The following CSNK2A2 variants were observed in gnomAD, a reference collection of about 807,000 sequenced individuals.
The protein encoded by CSNK2A2 is casein kinase 2 alpha 2.
In CSNK2A2, 8 loss-of-function variants were observed where a neutral mutation model predicts 54.0. That is an observed-to-expected ratio of 0.15 (90% CI 0.09 to 0.27). CSNK2A2 has a LOEUF of 0.27. Among genes scored for constraint, CSNK2A2 ranks in the 10% least tolerant of loss-of-function variants. The pLI is 1.00. For synonymous variants in CSNK2A2, 141 were observed against 153.9 expected, an observed-to-expected ratio of 0.92 and a Z score of 0.62; for missense variants, 242 against 439.4, an observed-to-expected ratio of 0.55 and a Z score of 4.02.
At chr16:58,162,645 G>A (rs970785629) in intron 11 of CSNK2A2, 1 of 152,218 alleles carries the variant, frequency 6.6e-6, no homozygotes, top group African/African-American at 2.4e-5. Context: ...AAAGGGTGAT[G>A]TGGTAGACAC....
intron 4 of CSNK2A2, among the ~76,000 whole-genome samples, chr16:58,179,425 C>T (rs1961967048): frequency 6.6e-6 from 1 of 151,684 alleles, no homozygotes; most frequent in African/African-American, 2.4e-5. Flanking sequence ...CGCTTGAACC[C>T]AGGAGGCGGA....
In CSNK2A2 at chr16:58,173,336, A is replaced by G. The variant is rs139004098; in HGVS notation, c.429+1115T>C. 7.2e-5 allele frequency among the ~76,000 whole-genome samples: 11 copies of G among 152,248 alleles called. No individual in the cohort carries two copies. In the East Asian group the frequency reaches 7.7e-4, roughly 11 times the overall value. Reference sequence around the variant, plus strand: ...TGCGTACAAGTTCTTATAAAAACACATTCATTTCATAGAACTGTTCTTAAG... The same window carrying G: ...TGCGTACAAGTTCTTATAAAAACACGTTCATTTCATAGAACTGTTCTTAAG... On this transcript the variant is annotated intron_variant, in intron 5 of 11. Transcript: ENST00000262506.
intron 11 of CSNK2A2, chr16:58,161,538 GACACACAC>G (rs3833046): frequency 8.9e-6 from 1 of 112,346 alleles, no homozygotes; most frequent in South Asian, 2.7e-4. Flanking sequence ...CACACACACA[GACACACAC>G]ACAGACACAC....
In CSNK2A2 at chr16:58,167,437, T is replaced by A. The variant is rs900747186; in HGVS notation, c.625-129A>T. The A allele has an allele frequency of 1.0e-4, 66 of 636,644 alleles. 1 individual carries two copies. The highest frequency in any genetic ancestry group is 1.2e-4 in the South Asian group (4 of 33,466). 39.4% of individuals were successfully genotyped at this position (636,644 alleles called of 1,614,324 possible). On this transcript the variant is annotated intron_variant, in intron 7 of 11. Transcript: ENST00000262506. Reference sequence around the variant, plus strand: ...CCATAGATAATTTATTTAAAAAAAATTTTTTTTAACTTCCTGGCTCCTAGA... The same window carrying A: ...CCATAGATAATTTATTTAAAAAAAAATTTTTTTAACTTCCTGGCTCCTAGA...
At position 58,167,841 on chromosome 16, in the gene CSNK2A2, C is replaced by T. The variant is rs76699855; in HGVS notation, c.514-46G>A. The T allele has an allele frequency of 1.4e-3, 2,030 of 1,462,056 alleles. 31 individuals carry two copies. The African/African-American group carries it at 0.025, about 18-fold the overall frequency. The allele number at this position is 1,462,056 out of a possible 1,614,324, so 90.6% of individuals were successfully genotyped here. ...AACATGTGAAAGGAGTGTTTCTAGA[C>T]GCCTATGCCTTAGAACAAGGCCACA... is the stretch of plus-strand genomic sequence containing the variant. On this transcript the variant is annotated intron_variant, in intron 6 of 11. Transcript: ENST00000262506.
In CSNK2A2 at chr16:58,164,088, G is replaced by A. The variant is rs1409707784; in HGVS notation, c.1036C>T (p.Leu346Phe). The A allele has an allele frequency of 6.2e-7, 1 of 1,613,638 alleles. No homozygotes were observed. The highest frequency in any genetic ancestry group is 1.3e-5 in the African/African-American group (1 of 74,934). ...CADNAVLSSGLTAAR is the reference protein window; with the variant it reads ...CADNAVLSSGFTAAR The stretch of plus-strand genomic sequence containing the variant: ...TCCAGTCTTCATCGTGCTGCCGTGA[G>A]ACCACTGGAAAGCACAGCATTGTCT... Residue 346 changes from leucine (L) to phenylalanine (F), a missense_variant, in exon 11 of 12, where the codon CTC (leucine) becomes TTC (phenylalanine). Transcript: ENST00000262506.
chr16:58,197,904 C>T lies in CSNK2A2; in HGVS notation c.-168G>A, dbSNP rs1003111225. The T allele has an allele frequency of 1.8e-5, 1 of 54,836 alleles. No homozygotes were observed. The highest frequency in any genetic ancestry group is 3.7e-5 in the Non-Finnish European group (1 of 26,822). The allele number at this position is 54,836 out of a possible 1,614,324, so 3.4% of individuals were successfully genotyped here. On this transcript the variant is annotated 5_prime_UTR_variant, in exon 1 of 12. Transcript: ENST00000262506. The surrounding 1 kb of genome is among the most constrained non-coding windows in gnomAD (Gnocchi z 4.0). ...GCCAGGCCGGGCCCGCGGGGGCGGG[C>T]GGGCTGGGGGCGCGGGGGGCGCCGG... is the stretch of plus-strand genomic sequence containing the variant.
Position 58,197,620 on chromosome 16 carries a change from G to A in CSNK2A2, c.104+13C>T. ...GGATCAGCGGGCCCGGCGGGGGGCG[G>A]CGACGGCTTTACCCCCAGCTCGGGA... On this transcript the variant is annotated intron_variant, in intron 1 of 11. Coordinates refer to ENST00000262506, the MANE Select transcript of CSNK2A2 (RefSeq NM_001896.4). The surrounding 1 kb of genome is among the most constrained non-coding windows in gnomAD (Gnocchi z 4.0). 6.5e-7 allele frequency: 1 copy of A among 1,536,746 alleles called. No homozygotes were observed. The highest frequency in any genetic ancestry group is 2.5e-5 in the East Asian group (1 of 39,448).
chr16:58,169,317 A>T (rs1056196474), intron 5 of CSNK2A2, among the ~76,000 whole-genome samples: 1 of 152,010 alleles, frequency 6.6e-6, no homozygotes, highest in Non-Finnish European at 1.5e-5. Context: ...AGGCAGGTGG[A>T]TCACTTGAGG....
intron 11 of CSNK2A2, chr16:58,161,534 C>CAG (rs1961364205): frequency 1.5e-5 from 2 of 135,378 alleles, no homozygotes; most frequent in Admixed American, 1.5e-4. Context: ...CAGACACACA[C>CAG]ACAGACACAC....
chr16:58,176,984 T>C (rs1961898096), intron 4 of CSNK2A2, among the ~76,000 whole-genome samples: 1 of 151,758 alleles, frequency 6.6e-6, no homozygotes, highest in Admixed American at 6.6e-5. Context: ...GGTGGCAGAG[T>C]CATCAAATTT....
Position 58,166,646 on chromosome 16 carries a change from C to G in CSNK2A2, c.765G>C (p.Leu255=). 1 of 1,613,950 alleles carries G rather than the reference C, an allele frequency of 6.2e-7. No homozygotes were observed. The highest frequency in any genetic ancestry group is 1.1e-5 in the South Asian group (1 of 91,068). The change falls in exon 9 of 12, where the codon CTG becomes CTC. Residue 255 remains leucine (L), a synonymous_variant. Coordinates refer to ENST00000262506, the MANE Select transcript of CSNK2A2 (RefSeq NM_001896.4). The part of the protein sequence containing the change: ...RIAKVLGTEE[L]YGYLKKYHID... ...TGTGATACTTCTTCAGATACCCATA[C>G]AGTTCTTCTGTACCCAGAACCTTGG...
At chr16:58,179,342 AT>A (rs1480404901) in intron 4 of CSNK2A2, among the ~76,000 whole-genome samples, 1 of 152,066 alleles carries the variant, frequency 6.6e-6, no homozygotes, top group African/African-American at 2.4e-5. Flanking sequence ...TCTACTAAAA[AT>A]ACAAAAAATT....
intron 5 of CSNK2A2, among the ~76,000 whole-genome samples, chr16:58,168,931 T>C (rs576425880): frequency 7.1e-6 from 1 of 141,618 alleles, no homozygotes; most frequent in African/African-American, 2.6e-5. Flanking sequence ...GGAAGATTTC[T>C]TTTTTTTTTT....
At chr16:58,164,026 T>G in intron 11 of CSNK2A2, 28 bp downstream of exon 11, 1 of 1,565,698 alleles carries the variant, frequency 6.4e-7, no homozygotes, top group Non-Finnish European at 8.8e-7. Flanking sequence ...TTGGTTGGTT[T>G]TATTGGCAAG....
chr16:58,195,318 T>C (rs1214720976), intron 2 of CSNK2A2, among the ~76,000 whole-genome samples: 3 of 152,222 alleles, frequency 2.0e-5, no homozygotes, highest in African/African-American at 7.2e-5. Flanking sequence ...ACTTTGCTTT[T>C]TCTCTTTACT....
At chr16:58,195,893 G>A (rs899356940) in intron 2 of CSNK2A2, among the ~76,000 whole-genome samples, 1 of 152,070 alleles carries the variant, frequency 6.6e-6, no homozygotes, top group Non-Finnish European at 1.5e-5. Context: ...TGGCTCTCTG[G>A]CTTCCCAACA....
chr16:58,171,785 T>C (rs1961742539), intron 5 of CSNK2A2, among the ~76,000 whole-genome samples: 1 of 151,082 alleles, frequency 6.6e-6, no homozygotes, highest in Admixed American at 6.6e-5. Context: ...AACTAAATTT[T>C]ATTTTATTAT....
chr16:58,172,098 T>C (rs960440195), intron 5 of CSNK2A2, among the ~76,000 whole-genome samples: 5 of 150,076 alleles, frequency 3.3e-5, no homozygotes, highest in African/African-American at 9.8e-5. Context: ...TTGGGATTTA[T>C]AGGCGTGAGC....
Sources: allele counts gnomAD v4.1 joint callset (sites outside exome capture counted in the v4.1 genomes callset), GRCh38; gene constraint gnomAD v4.1.1; non-coding constraint Gnocchi (gnomAD v3.1); transcripts MANE v1.5; gene names NCBI Gene and HGNC (gene_info 2026-07-23, HGNC 2026-07-21).